The following PER3 variants were observed in gnomAD, a reference collection of about 807,000 sequenced individuals.
PER3 encodes period circadian protein homolog 3.
PER3 carries 107 observed loss-of-function variants against 127.2 expected under a neutral mutation model. The ratio of observed to expected loss-of-function variants is 0.84; its 90% CI spans 0.72 to 0.99. The LOEUF (loss-of-function observed/expected upper bound fraction) is 0.99, where lower values mean the gene tolerates loss of function less well. PER3 is among the 50% of genes least tolerant of loss of function. PER3 has a pLI of 0.00. For missense variants in PER3, 1,560 were observed against 1,525.8 expected (o/e 1.02, Z -0.37); for synonymous variants, 618 against 585.8 (o/e 1.05, Z -0.79).
Position 7,801,061 on chromosome 1 carries a change from ATAAT to A in PER3, c.794-45_794-42del, listed in dbSNP as rs1269968329. The A allele has an allele frequency of 3.8e-5, 39 of 1,023,490 alleles. 1 individual carries two copies. In the Admixed American group the frequency reaches 7.1e-4, roughly 19 times the overall value. 63.4% of individuals were successfully genotyped at this position (1,023,490 alleles called of 1,614,324 possible). A position where few individuals can be genotyped will look rare whatever the true frequency, so the allele number is the denominator to read the frequency against. On this transcript the variant is annotated intron_variant, in intron 7 of 21. Coordinates refer to ENST00000377532, the MANE Select transcript of PER3 (RefSeq NM_001377275.1). ...ATATGTTAAGTGGTTAGTTAGGTGG[ATAAT>A]TAATTAGATATTTGCCTTTAAATGG...
chr1:7,822,258 A>T (rs571378849), intron 16 of PER3, among the ~76,000 whole-genome samples: 39 of 144,862 alleles, frequency 2.7e-4, no homozygotes, highest in African/African-American at 5.1e-4. Flanking sequence ...TTAAAAAAAA[A>T]TTTTTTTTTT....
chr1:7,798,249 AT>A (rs2097154633), intron 6 of PER3, among the ~76,000 whole-genome samples: 2 of 152,240 alleles, frequency 1.3e-5, no homozygotes, highest in African/African-American at 4.8e-5. Context: ...CTGGGAATGC[AT>A]CACATGGAGG....
In PER3 at chr1:7,842,867, T is replaced by A; in HGVS notation, c.*112T>A. ...GAAGTTATCATTGAATGTTAAGATT[T>A]TTTCTTCTTGATTTTTTAATACACG... On this transcript the variant is annotated 3_prime_UTR_variant, in exon 22 of 22. Transcript: ENST00000377532. 1.2e-6 allele frequency: 1 copy of A among 818,134 alleles called. No individual in the cohort carries two copies. Among genetic ancestry groups the A allele is most frequent in the Non-Finnish European group, 1.8e-6 (1 of 551,948 alleles). The allele number at this position is 818,134 out of a possible 1,614,324, so 50.7% of individuals were successfully genotyped here.
chr1:7,802,463 C>A (rs1414512012), intron 8 of PER3, among the ~76,000 whole-genome samples: 2 of 152,122 alleles, frequency 1.3e-5, no homozygotes, highest in Non-Finnish European at 2.9e-5. Context: ...TGGGGTTTCA[C>A]CATGTTGGCC....
rs377341355 is a variant in PER3, at chr1:7,817,385, TG to T, written c.1523-1896del. Among the ~76,000 whole-genome samples the T allele has an allele frequency of 3.9e-3, 594 of 152,024 alleles. 3 individuals are homozygous for T. The highest frequency in any genetic ancestry group is 5.9e-3 in the Non-Finnish European group (401 of 67,970). On this transcript the variant is annotated intron_variant, in intron 13 of 21. Transcript: ENST00000377532. ...GACAGGCCTAAACACACGGAAGGGG[TG>T]GGGAAGAACGGAGCTCAGTAGCTTT...
chr1:7,840,711 C>G (rs986551418), intron 21 of PER3, among the ~76,000 whole-genome samples: 1 of 152,088 alleles, frequency 6.6e-6, no homozygotes, highest in Non-Finnish European at 1.5e-5. Context: ...GCCTCTACCT[C>G]CTGGTCCCAA....
chr1:7,797,990 C>T (rs2097153513), intron 6 of PER3, among the ~76,000 whole-genome samples: 1 of 152,150 alleles, frequency 6.6e-6, no homozygotes, highest in South Asian at 2.1e-4. Context: ...TCGGTTTTAG[C>T]CTCAACTTTT....
At chr1:7,842,238 A>G (rs1369117560) in intron 21 of PER3, among the ~76,000 whole-genome samples, 1 of 151,998 alleles carries the variant, frequency 6.6e-6, no homozygotes, top group African/African-American at 2.4e-5. Context: ...CGCGGTGTCT[A>G]CTACCTGTAA....
intron 5 of PER3, among the ~76,000 whole-genome samples, chr1:7,788,931 T>C (rs952108175): frequency 4.0e-5 from 6 of 150,576 alleles, no homozygotes; most frequent in African/African-American, 1.5e-4. Flanking sequence ...AAAATTCAGA[T>C]CATTAGCTCT....
chr1:7,837,109 G>A lies in PER3; in HGVS notation c.3509G>A (p.Trp1170Ter), dbSNP rs2097362313. The change falls in exon 21 of 22, where the codon TGG becomes TAG. Residue 1170 changes from tryptophan (W) to a stop codon, truncating the protein, a stop_gained. Transcript: ENST00000377532. LOFTEE classifies it low-confidence loss of function (END_TRUNC). ...GAGGAGCTGGCTAAGGTGTATAATT[G>A]GATTCAAAGCCAGACTGTCACTCAA... The part of the protein sequence containing the change: ...QKEELAKVYN[W>*]IQSQTVTQEI... The A allele has an allele frequency of 1.2e-6, 2 of 1,613,788 alleles. No individual in the cohort carries two copies. The highest frequency in any genetic ancestry group is 1.3e-5 in the African/African-American group (1 of 74,894).
chr1:7,826,820 T>A lies in PER3; in HGVS notation c.2188+110T>A. 1 of 685,092 alleles carries A rather than the reference T, an allele frequency of 1.5e-6. No individual in the cohort carries two copies. The highest frequency in any genetic ancestry group is 2.5e-6 in the Non-Finnish European group (1 of 396,260). The allele number at this position is 685,092 out of a possible 1,614,324, so 42.4% of individuals were successfully genotyped here. On this transcript the variant is annotated intron_variant, in intron 17 of 21. Coordinates refer to ENST00000377532, the MANE Select transcript of PER3 (RefSeq NM_001377275.1). The surrounding 1 kb of genome is among the most constrained non-coding windows in gnomAD (Gnocchi z 4.2). ...AATAGGAGTTTTACTTGTAAGAAAC[T>A]GATGGAGAGATGCTGAAACAATCTA...
Position 7,835,914 on chromosome 1 carries a change from C to T in PER3, c.3367C>T (p.Arg1123Cys), listed in dbSNP as rs750738867. The change falls in exon 20 of 22, where the codon CGC (arginine) becomes TGC (cysteine). Residue 1123 changes from arginine to cysteine, a missense_variant. Physicochemically the swap from Arg to Cys is radical, Grantham distance 180. Around this residue, in one of 3 missense-constraint regions of PER3, gnomAD observed 199 missense variants for 198.6 expected, o/e 1.00. Transcript: ENST00000377532. Reference protein sequence around the residue: ...IWRMIRQTPERILMTYQVPER... With the variant: ...IWRMIRQTPECILMTYQVPER... Reference sequence around the variant, plus strand: ...GAGAATGATACGGCAGACACCTGAGCGCATTCTCATGACATACCAGGTACC... The same window carrying T: ...GAGAATGATACGGCAGACACCTGAGTGCATTCTCATGACATACCAGGTACC... The T allele has an allele frequency of 1.2e-5, 20 of 1,609,710 alleles. No individual in the cohort carries two copies. The highest frequency in any genetic ancestry group is 7.7e-5 in the South Asian group (7 of 90,940).
chr1:7,784,556 G>T (rs1215176585), intron 1 of PER3, 98 bp from the exon 2 acceptor site: 3 of 214,244 alleles, frequency 1.4e-5, no homozygotes, highest in Admixed American at 6.0e-5. Context: ...TGGGGCAGGG[G>T]TGAGGACCGC....
rs1469242832 is a variant in PER3, at chr1:7,820,557, C to G, written c.1874C>G (p.Ser625Cys). The change falls in exon 16 of 22, where the codon TCC becomes TGC. Residue 625 changes from serine to cysteine, a missense_variant. By Grantham distance (112) the Ser-to-Cys change is moderately radical. Transcript: ENST00000377532. ...DTGGGAPQIL[S>C]TAMLSLGSGI... ...GGAGGAGGAGCTCCACAGATCCTGTCCACGGCGATGCTGAGCTTGGGGTCG... is the reference window on the plus strand; with the variant it reads ...GGAGGAGGAGCTCCACAGATCCTGTGCACGGCGATGCTGAGCTTGGGGTCG... 1.2e-6 allele frequency: 2 copies of G among 1,613,960 alleles called. No homozygotes were observed. The highest frequency in any genetic ancestry group is 1.7e-5 in the Admixed American group (1 of 59,998).
intron 16 of PER3, among the ~76,000 whole-genome samples, chr1:7,821,341 C>T (rs2097275458): frequency 1.3e-5 from 2 of 152,222 alleles, no homozygotes; most frequent in South Asian, 4.1e-4. Context: ...GCTCTTAGTT[C>T]TTCACTGGTA....
chr1:7,824,129 G>A (rs1427464712), intron 16 of PER3, among the ~76,000 whole-genome samples: 2 of 152,130 alleles, frequency 1.3e-5, no homozygotes, highest in Non-Finnish European at 2.9e-5. Flanking sequence ...AGCTAAAAAC[G>A]GGGCTTGTAA....
Position 7,788,099 on chromosome 1 carries a change from G to C in PER3, c.445G>C (p.Glu149Gln), listed in dbSNP as rs776823126. The change falls in exon 5 of 22, where the codon GAA (glutamate) becomes CAA (glutamine). Residue 149 changes from glutamate to glutamine, a missense_variant. Around this residue, in one of 3 missense-constraint regions of PER3, gnomAD observed 1,332 missense variants for 1,223.6 expected, o/e 1.09. Coordinates refer to ENST00000377532, the MANE Select transcript of PER3 (RefSeq NM_001377275.1). ...GTCTGGAAGGTTAGTGCACATTTCT[G>C]AACAGGCTGCTTTGATCCTGAATCG... is the stretch of plus-strand genomic sequence containing the variant. ...FLSGRLVHIS[E>Q]QAALILNRKK... The C allele has an allele frequency of 6.2e-6, 10 of 1,614,024 alleles. No homozygotes were observed. In the Admixed American group the frequency reaches 6.7e-5, roughly 11 times the overall value.
chr1:7,796,766 A>T (rs1227542405), intron 6 of PER3, among the ~76,000 whole-genome samples: 1 of 152,136 alleles, frequency 6.6e-6, no homozygotes, highest in Non-Finnish European at 1.5e-5. Flanking sequence ...AAATATTTGT[A>T]TATTCTGGAT....
At chr1:7,790,376 C>CTT (rs2097113663) in intron 5 of PER3, among the ~76,000 whole-genome samples, 1 of 152,102 alleles carries the variant, frequency 6.6e-6, no homozygotes, top group South Asian at 2.1e-4. Context: ...GGAGGAAGCC[C>CTT]TTTATAAAGC....
Sources: gnomAD v4.1 joint callset for allele counts (sites outside exome capture counted in the v4.1 genomes callset) on GRCh38, gnomAD v4.1.1 for gene constraint, gnomAD v4.1.1 regional missense constraint, Gnocchi (gnomAD v3.1) non-coding constraint, MANE v1.5 for transcripts, NCBI Gene and HGNC (gene_info 2026-07-23, HGNC 2026-07-21) for gene names.